The following NETO1 variants were observed in gnomAD, a reference collection of about 807,000 sequenced individuals.
NETO1 encodes the protein neuropilin and tolloid-like protein 1.
A neutral mutation model predicts 61.3 loss-of-function variants in NETO1; 26 were observed. That is an observed-to-expected ratio of 0.42 (90% CI 0.31 to 0.59). NETO1 has a LOEUF of 0.59. Ranked by LOEUF, NETO1 falls within the 20% of genes least tolerant of loss-of-function variation. The pLI, the probability that NETO1 is intolerant of heterozygous loss-of-function variation, is 0.12. For synonymous variants in NETO1, 225 were observed against 225.8 expected, an observed-to-expected ratio of 1.00 and a Z score of 0.03; for missense variants, 531 against 662.8, an observed-to-expected ratio of 0.80 and a Z score of 2.18.
chr18:72,860,656 C>A (rs2074543007), intron 3 of NETO1, among the ~76,000 whole-genome samples: 1 of 151,750 alleles, frequency 6.6e-6, no homozygotes, highest in Non-Finnish European at 1.5e-5. Context: ...TTATCTATCA[C>A]TAAATTGTAT....
intron 4 of NETO1, among the ~76,000 whole-genome samples, chr18:72,849,193 T>G (rs528214131): frequency 1.3e-5 from 2 of 152,290 alleles, no homozygotes; most frequent in South Asian, 4.1e-4. Context: ...GACAATAAAT[T>G]CCTTAAAGTT....
At position 72,791,334 on chromosome 18, in the gene NETO1, C is replaced by T. The variant is rs954123264; in HGVS notation, c.639+2783G>A. Among the ~76,000 whole-genome samples the T allele has an allele frequency of 2.0e-5, 3 of 152,162 alleles. No homozygotes were observed. The East Asian group carries it at 5.8e-4, about 29-fold the overall frequency. ...CCAGGTGTCATTCAAATATTCACCA[C>T]GAGCCATTTCAAGTTTAACTTGTGC... On this transcript the variant is annotated intron_variant, in intron 6 of 10. Transcript: ENST00000327305.
intron 4 of NETO1, among the ~76,000 whole-genome samples, chr18:72,817,199 G>C (rs2073057438): frequency 6.6e-6 from 1 of 152,180 alleles, no homozygotes; most frequent in African/African-American, 2.4e-5. Context: ...GGCGGTTCCT[G>C]CTGCTACCTT....
At chr18:72,841,262 G>GT (rs2145479984) in intron 4 of NETO1, among the ~76,000 whole-genome samples, 1 of 152,248 alleles carries the variant, frequency 6.6e-6, no homozygotes, top group African/African-American at 2.4e-5. Context: ...TTATATTTGT[G>GT]TTTTCTGAGA....
At chr18:72,821,066 C>G (rs934678795) in intron 4 of NETO1, among the ~76,000 whole-genome samples, 1 of 151,898 alleles carries the variant, frequency 6.6e-6, no homozygotes. Context: ...ATGATCTACT[C>G]CTGCGTATCT....
At position 72,750,125 on chromosome 18, in the gene NETO1, T is replaced by A; in HGVS notation, c.1478A>T (p.Asp493Val). Residue 493 changes from aspartate (D) to valine (V), a missense_variant, in exon 9 of 11, where the codon GAT becomes GTT. Asp to Val is a radical substitution (Grantham distance 152). Coordinates refer to ENST00000327305, the MANE Select transcript of NETO1 (RefSeq NM_138966.5). ...GGTGGTCGGCACCTCTTCGATTTCA[T>A]CTATGTCACAGGCATCTGCAGCATC... Reference protein sequence around the residue: ...SQDAADACDIDEIEEVPTTSH... With the variant: ...SQDAADACDIVEIEEVPTTSH... 6.2e-7 allele frequency: 1 copy of A among 1,613,316 alleles called. No homozygotes were observed. The highest frequency in any genetic ancestry group is 8.5e-7 in the Non-Finnish European group (1 of 1,179,754).
chr18:72,805,213 AAG>A lies in NETO1; in HGVS notation c.470-10811_470-10810del, dbSNP rs372349368. Among the ~76,000 whole-genome samples, 309 of 152,290 alleles carry A rather than the reference AAG, an allele frequency of 2.0e-3. 1 individual carries two copies. Among genetic ancestry groups the A allele is most frequent in the African/African-American group, 7.0e-3 (290 of 41,576 alleles). ...ATAGAAATTAGTATTTATGTTACAA[AAG>A]AGAATGCAGACTTTAGAATCAATTT... is the stretch of plus-strand genomic sequence containing the variant. On this transcript the variant is annotated intron_variant, in intron 4 of 10. Transcript: ENST00000327305.
chr18:72,754,706 A>G (rs987991646), intron 8 of NETO1, among the ~76,000 whole-genome samples: 4 of 152,198 alleles, frequency 2.6e-5, no homozygotes, highest in African/African-American at 9.6e-5. Flanking sequence ...AGAGAGAAGT[A>G]GACAATTCAA....
chr18:72,834,900 T>C, intron 4 of NETO1: 1 of 769,472 alleles, frequency 1.3e-6, no homozygotes, highest in Admixed American at 6.3e-5. Context: ...GATTATATAA[T>C]TATAATCTTT....
At chr18:72,774,599 T>C (rs192556903) in intron 7 of NETO1, among the ~76,000 whole-genome samples, 161 of 152,324 alleles carry the variant, frequency 1.1e-3, no homozygotes, top group Admixed American at 1.8e-3. Flanking sequence ...TTATCCAATG[T>C]ATGGCATATC....
At chr18:72,848,076 C>T (rs1269175301) in intron 4 of NETO1, among the ~76,000 whole-genome samples, 1 of 152,152 alleles carries the variant, frequency 6.6e-6, no homozygotes, top group African/African-American at 2.4e-5. Flanking sequence ...CTTCCCTGTT[C>T]CATATTGAAG....
chr18:72,768,126 T>A lies in NETO1; in HGVS notation c.869-11979A>T, dbSNP rs2071226347. On this transcript the variant is annotated intron_variant, in intron 7 of 10. Transcript: ENST00000327305. ...CTTTTTCAAAAGCAAAACAATTTTC[T>A]GAAATGGCTACTTTGTGATTCTGGT... Among the ~76,000 whole-genome samples, 3 of 152,240 alleles carry A rather than the reference T, an allele frequency of 2.0e-5. No homozygotes were observed. In the South Asian group the frequency reaches 6.2e-4, roughly 31 times the overall value.
chr18:72,772,813 CTCTCTCTCTCTCTATATATATA>C (rs2071408010), intron 7 of NETO1, among the ~76,000 whole-genome samples: 1 of 53,602 alleles, frequency 1.9e-5, no homozygotes, highest in African/African-American at 6.8e-5. Flanking sequence ...CTCTCTCTCT[CTCTCTCTCTCTCTATATATATA>C]TATATATATA....
intron 4 of NETO1, among the ~76,000 whole-genome samples, chr18:72,824,686 G>A (rs183965892): frequency 5.0e-4 from 73 of 145,550 alleles, no homozygotes; most frequent in Non-Finnish European, 8.7e-4. Flanking sequence ...CCAACATGGC[G>A]AAACCCCGTC....
chr18:72,765,475 G>A (rs755388105), intron 7 of NETO1, among the ~76,000 whole-genome samples: 8 of 151,934 alleles, frequency 5.3e-5, no homozygotes, highest in Non-Finnish European at 8.8e-5. Context: ...CTGGAGTGAA[G>A]TGGCATGATC....
intron 4 of NETO1, among the ~76,000 whole-genome samples, chr18:72,848,974 A>C (rs2074171659): frequency 6.6e-6 from 1 of 152,148 alleles, no homozygotes; most frequent in Non-Finnish European, 1.5e-5. Context: ...TTTTTTTTCT[A>C]GATAATCTCA....
At chr18:72,777,244 C>T (rs8097211) in intron 7 of NETO1, among the ~76,000 whole-genome samples, 5,694 of 151,592 alleles carry the variant, frequency 0.038, 258 homozygotes, top group African/African-American at 0.1. Flanking sequence ...ATGGTGAAAC[C>T]CAGTCTCTAC....
intron 4 of NETO1, among the ~76,000 whole-genome samples, chr18:72,854,838 A>G (rs1440519847): frequency 1.3e-5 from 2 of 149,932 alleles, no homozygotes; most frequent in African/African-American, 4.8e-5. Flanking sequence ...TCTTTCAAAA[A>G]TTAAAGCATT....
chr18:72,825,479 T>C (rs906312259), intron 4 of NETO1, among the ~76,000 whole-genome samples: 3 of 152,128 alleles, frequency 2.0e-5, no homozygotes, highest in Non-Finnish European at 4.4e-5. Flanking sequence ...TTAATTCTTT[T>C]CAAAATACCA....
Sources: allele counts gnomAD v4.1 joint callset (sites outside exome capture counted in the v4.1 genomes callset), GRCh38; gene constraint gnomAD v4.1.1; transcripts MANE v1.5; gene names NCBI Gene and HGNC (gene_info 2026-07-23, HGNC 2026-07-21).